PUDP: variants seen among roughly 807,000 people sequenced by gnomAD.
PUDP encodes the protein pseudouridine-5'-phosphatase.
Under a neutral mutation model 9.4 loss-of-function variants are expected in PUDP, and 8 were observed. That is an observed-to-expected ratio of 0.85 (90% CI 0.50 to 1.53). PUDP has a LOEUF of 1.53. PUDP is among the 40% of genes most tolerant of loss of function. The pLI, the probability that PUDP is intolerant of heterozygous loss-of-function variation, is 0.00. For synonymous variants in PUDP, 99 were observed against 80.7 expected, an observed-to-expected ratio of 1.23 and a Z score of -1.22; for missense variants, 188 against 189.7, an observed-to-expected ratio of 0.99 and a Z score of 0.05.
intron 3 of PUDP, among the ~76,000 whole-genome samples, chrX:6,758,085 T>C (rs1925189446): frequency 8.9e-6 from 1 of 112,364 alleles, no homozygotes; most frequent in Non-Finnish European, 1.9e-5. Context: ...ATTTTAAAGA[T>C]GGTTGGGACA....
At chrX:7,032,953 T>C (rs1929810568) in intron 1 of PUDP, among the ~76,000 whole-genome samples, 1 of 111,874 alleles carries the variant, frequency 8.9e-6, no homozygotes, top group African/African-American at 3.2e-5. Flanking sequence ...TATGAGGGTA[T>C]TGTCAAAGGA....
intron 3 of PUDP, among the ~76,000 whole-genome samples, chrX:7,074,036 T>C (rs983374454): frequency 1.8e-5 from 2 of 112,839 alleles, no homozygotes; most frequent in Admixed American, 1.9e-4. Context: ...ACTGGTCCCA[T>C]GCAATGGCAG....
intron 3 of PUDP, among the ~76,000 whole-genome samples, chrX:6,833,946 G>A (rs1926545233): frequency 8.9e-6 from 1 of 112,006 alleles, no homozygotes; most frequent in Non-Finnish European, 1.9e-5. Flanking sequence ...AGCACTAAAT[G>A]TTGTACTATT....
At chrX:6,754,515 C>T (rs1925146587) in intron 3 of PUDP, among the ~76,000 whole-genome samples, 1 of 109,562 alleles carries the variant, frequency 9.1e-6, no homozygotes, top group African/African-American at 3.3e-5. Flanking sequence ...ACATATATAA[C>T]TCATATATGT....
chrX:6,710,245 T>C (rs2146650528), intron 1 of PUDP, among the ~76,000 whole-genome samples: 1 of 112,416 alleles, frequency 8.9e-6, no homozygotes. Flanking sequence ...ACTAATGATA[T>C]AATCGTCCAT....
At chrX:6,775,320 A>G (rs1440382475) in intron 3 of PUDP, among the ~76,000 whole-genome samples, 1 of 111,888 alleles carries the variant, frequency 8.9e-6, no homozygotes, top group African/African-American at 3.3e-5. Flanking sequence ...GTATAGATAT[A>G]CCACATTTGT....
intron 3 of PUDP, among the ~76,000 whole-genome samples, chrX:7,050,695 T>C (rs950900804): frequency 2.7e-5 from 3 of 112,261 alleles, no homozygotes; most frequent in African/African-American, 9.7e-5. Flanking sequence ...AGGTTTCTGT[T>C]GCAGCCAAAG....
intron 3 of PUDP, among the ~76,000 whole-genome samples, chrX:6,751,719 A>C (rs1434898200): frequency 9.0e-6 from 1 of 111,470 alleles, no homozygotes; most frequent in East Asian, 2.8e-4. Context: ...ATTTCTCCTC[A>C]CTTCTCACCT....
chrX:6,715,684 G>C (rs1261191642), intron 1 of PUDP, among the ~76,000 whole-genome samples: 1 of 112,153 alleles, frequency 8.9e-6, no homozygotes, highest in African/African-American at 3.2e-5. Context: ...GTAGACAGAG[G>C]ACTCAGGACG....
chrX:6,990,455 C>G (rs1414061818), intron 1 of PUDP, among the ~76,000 whole-genome samples: 1 of 112,075 alleles, frequency 8.9e-6, no homozygotes, highest in Non-Finnish European at 1.9e-5. Context: ...TTATTTGAAC[C>G]AACTTCCCCA....
chrX:7,016,717 G>A (rs1929554434), intron 1 of PUDP, among the ~76,000 whole-genome samples: 1 of 110,831 alleles, frequency 9.0e-6, no homozygotes, highest in Admixed American at 9.6e-5. Flanking sequence ...TGCTCATGGA[G>A]CACTGGAAGG....
chrX:7,008,263 CA>C (rs869226219), intron 1 of PUDP, among the ~76,000 whole-genome samples: 2 of 111,422 alleles, frequency 1.8e-5, no homozygotes, highest in African/African-American at 6.5e-5. Context: ...TGCACCTGGC[CA>C]AAAAAATTTT....
At chrX:7,012,345 A>C (rs1929488842) in intron 1 of PUDP, among the ~76,000 whole-genome samples, 1 of 112,214 alleles carries the variant, frequency 8.9e-6, no homozygotes. Context: ...TATCTTTGGA[A>C]ACTAACAAGC....
intron 3 of PUDP, among the ~76,000 whole-genome samples, chrX:6,962,983 CTT>C (rs1192734627): frequency 8.9e-6 from 1 of 112,947 alleles, no homozygotes; most frequent in East Asian, 2.8e-4. Flanking sequence ...GAGCTAGTGT[CTT>C]AGCACAGGCT....
chrX:6,769,902 A>G (rs1407380206), intron 3 of PUDP, among the ~76,000 whole-genome samples: 1 of 112,345 alleles, frequency 8.9e-6, no homozygotes, highest in Non-Finnish European at 1.9e-5. Context: ...TGGGGTCTGA[A>G]CAACCTAAAC....
chrX:7,092,371 G>A (rs1449016911), intron 2 of PUDP, among the ~76,000 whole-genome samples: 1 of 112,623 alleles, frequency 8.9e-6, no homozygotes, highest in Non-Finnish European at 1.9e-5. Flanking sequence ...TTAAGTTATA[G>A]TAATCCCAAA....
intron 3 of PUDP, among the ~76,000 whole-genome samples, chrX:7,065,921 C>A (rs933160810): frequency 2.7e-5 from 3 of 112,236 alleles, no homozygotes; most frequent in Non-Finnish European, 5.6e-5. Context: ...TGCCAATAAT[C>A]TGTGGTACTA....
At chrX:7,041,670 C>T (rs1170785591) in intron 1 of PUDP, among the ~76,000 whole-genome samples, 2 of 111,876 alleles carry the variant, frequency 1.8e-5, no homozygotes, top group Non-Finnish European at 3.8e-5. Context: ...TCCGTTTTGA[C>T]CTGTAGTGAC....
chrX:6,780,116 G>GTGTATATATGTATATATACATAT (rs1925533934), intron 3 of PUDP, among the ~76,000 whole-genome samples: 2 of 97,781 alleles, frequency 2.0e-5, no homozygotes, highest in Admixed American at 2.3e-4. Flanking sequence ...TCCTTTGTTT[G>GTGTATATATGTATATATACATAT]TGTATATATG....
Sources: allele counts gnomAD v4.1 joint callset (sites outside exome capture counted in the v4.1 genomes callset), GRCh38; gene constraint gnomAD v4.1.1; transcripts MANE v1.5; gene names NCBI Gene and HGNC (gene_info 2026-07-23, HGNC 2026-07-21).